The following SKP1 variants were observed in gnomAD, a reference collection of about 807,000 sequenced individuals.
The protein encoded by SKP1 is S-phase kinase-associated protein 1.
A neutral mutation model predicts 21.5 loss-of-function variants in SKP1; 1 was observed. The ratio of observed to expected loss-of-function variants is 0.05; its 90% CI spans 0.02 to 0.22. SKP1 has a LOEUF of 0.22. Among genes scored for constraint, SKP1 ranks in the 10% least tolerant of loss-of-function variants. SKP1 has a pLI of 1.00. For synonymous variants in SKP1, 59 were observed against 59.3 expected, an observed-to-expected ratio of 0.99 and a Z score of 0.03; for missense variants, 70 against 192.0, an observed-to-expected ratio of 0.36 and a Z score of 3.76.
rs1761132159 is a variant in SKP1 at position 134,157,043 on chromosome 5, G to C, written c.*690C>G. 1 of 152,574 alleles carries C rather than the reference G, an allele frequency of 6.6e-6. No individual in the cohort carries two copies. Among genetic ancestry groups the C allele is most frequent in the Non-Finnish European group, 1.5e-5 (1 of 68,034 alleles). 9.5% of individuals were successfully genotyped at this position (152,574 alleles called of 1,614,324 possible). A position where few individuals can be genotyped will look rare whatever the true frequency, so the allele number is the denominator to read the frequency against. On this transcript the variant is annotated 3_prime_UTR_variant, in exon 6 of 6. Transcript: ENST00000353411. ...TTATAAAAAGATGACATCCCACATG[G>C]GTTAAGTGTCTTTTTAATTGAAAAG...
chr5:134,170,195 A>G (rs1418100169), intron 2 of SKP1, among the ~76,000 whole-genome samples: 2 of 152,076 alleles, frequency 1.3e-5, no homozygotes, highest in Admixed American at 1.3e-4. Flanking sequence ...AAATAAAATA[A>G]AGGCTTTTAT....
At chr5:134,172,808 C>G (rs973120017) in intron 2 of SKP1, among the ~76,000 whole-genome samples, 7 of 151,744 alleles carry the variant, frequency 4.6e-5, no homozygotes, top group African/African-American at 7.3e-5. Flanking sequence ...GTCAGAAGAT[C>G]GAGACCAGCC....
intron 4 of SKP1, among the ~76,000 whole-genome samples, chr5:134,160,270 T>C (rs1157924716): frequency 1.3e-5 from 2 of 151,950 alleles, no homozygotes; most frequent in Non-Finnish European, 2.9e-5. Context: ...GGCAGGAGAA[T>C]TGCTTGAACC....
chr5:134,158,422 A>G (rs576452926), intron 5 of SKP1, 33 bp downstream of exon 5: 12 of 1,613,954 alleles, frequency 7.4e-6, no homozygotes, highest in Non-Finnish European at 9.3e-6. Flanking sequence ...TTTTAAGAGC[A>G]TGTGATCAAA....
intron 2 of SKP1, among the ~76,000 whole-genome samples, chr5:134,171,828 T>C (rs1310600026): frequency 6.6e-6 from 1 of 152,198 alleles, no homozygotes; most frequent in Non-Finnish European, 1.5e-5. Context: ...GCGGATCACC[T>C]GAGGTCAGGA....
chr5:134,160,484 T>C (rs1206143753), intron 4 of SKP1, among the ~76,000 whole-genome samples: 3 of 152,208 alleles, frequency 2.0e-5, no homozygotes, highest in African/African-American at 7.2e-5. Flanking sequence ...ATCTCTATGA[T>C]TGTCACTTTG....
chr5:134,159,074 CATCTTTTACTA>C (rs1366302220), intron 4 of SKP1, among the ~76,000 whole-genome samples: 1 of 152,136 alleles, frequency 6.6e-6, no homozygotes, highest in African/African-American at 2.4e-5. Flanking sequence ...TAGTTAATTT[CATCTTTTACTA>C]GTTTAAGGTG....
rs1435207097 is a variant in SKP1 at position 134,159,916 on chromosome 5, C to A, written c.315+1071G>T. Among the ~76,000 whole-genome samples the A allele has an allele frequency of 1.9e-4, 28 of 151,280 alleles. 2 individuals are homozygous for A. Among genetic ancestry groups the A allele is most frequent in the Admixed American group, 1.8e-3 (28 of 15,152 alleles). On this transcript the variant is annotated intron_variant, in intron 4 of 5. Transcript: ENST00000353411. ...CAGGCTGGTCTTGAACTCCTAGCCT[C>A]AAGTGATCCACCCGCCTCACCCTCC...
intron 4 of SKP1, among the ~76,000 whole-genome samples, chr5:134,159,386 A>G (rs1761176838): frequency 2.0e-5 from 3 of 150,284 alleles, no homozygotes; most frequent in African/African-American, 7.3e-5. Context: ...TTTACAATGG[A>G]GACTTTTTTT....
In SKP1 at chr5:134,149,223, A is replaced by T. The variant is rs1005999778; in HGVS notation, c.*8510T>A. The T allele has an allele frequency of 1.3e-5, 2 of 152,202 alleles. No individual in the cohort carries two copies. Among genetic ancestry groups the T allele is most frequent in the African/African-American group, 4.8e-5 (2 of 41,442 alleles). The allele number at this position is 152,202 out of a possible 1,614,324, so 9.4% of individuals were successfully genotyped here. A position where few individuals can be genotyped will look rare whatever the true frequency, so the allele number is the denominator to read the frequency against. On this transcript the variant is annotated 3_prime_UTR_variant, in exon 6 of 6. Transcript: ENST00000353411. ...CTCAACAGGTAGGATTTCATACCTC[A>T]TCCCCCTTTCATCTCCCACCTTTTG...
chr5:134,169,513 G>A (rs1761398546), intron 2 of SKP1, among the ~76,000 whole-genome samples: 1 of 152,226 alleles, frequency 6.6e-6, no homozygotes, highest in Non-Finnish European at 1.5e-5. Context: ...GAAACATACA[G>A]AAGACCAGCT....
In SKP1 at chr5:134,159,972, C is replaced by T. The variant is rs548564508; in HGVS notation, c.315+1015G>A. Among the ~76,000 whole-genome samples, 7 of 152,092 alleles carry T rather than the reference C, an allele frequency of 4.6e-5. No individual in the cohort carries two copies. The East Asian group carries it at 5.8e-4, about 13-fold the overall frequency. On this transcript the variant is annotated intron_variant, in intron 4 of 5. Coordinates refer to ENST00000353411, the MANE Select transcript of SKP1 (RefSeq NM_170679.3). ...TGTTGGGATCACAGGCGTGAGCCAC[C>T]GCACCCAGCTGAGACTTGTTTTATG...
Position 134,161,011 on chromosome 5 carries a change from T to C in SKP1, c.291A>G (p.Gln97=), listed in dbSNP as rs369406732. Residue 97 remains glutamine (Q), a synonymous_variant, in exon 4 of 6, where the codon CAA becomes CAG. Transcript: ENST00000353411. ...VWDQEFLKVD[Q]GTLFELILAA... ...CCAGAATGAGTTCAAAAAGTGTTCC[T>C]TGGTCAACTTTCAGGAATTCTTGGT... 1.3e-5 allele frequency: 21 copies of C among 1,612,170 alleles called. No individual in the cohort carries two copies. The highest frequency in any genetic ancestry group is 4.0e-5 in the African/African-American group (3 of 74,900).
intron 2 of SKP1, 124 bp from the exon 3 acceptor site, chr5:134,167,367 C>A: frequency 1.5e-6 from 1 of 660,166 alleles, no homozygotes; most frequent in South Asian, 1.8e-5. Context: ...GTGGATTCAA[C>A]CAACCACAGA....
intron 4 of SKP1, among the ~76,000 whole-genome samples, chr5:134,158,826 T>G (rs1309306699): frequency 6.6e-6 from 1 of 152,198 alleles, no homozygotes; most frequent in Non-Finnish European, 1.5e-5. Context: ...CTATACTAGC[T>G]CAAATGTGAA....
chr5:134,151,105 T>C lies in SKP1; in HGVS notation c.*6628A>G, dbSNP rs898748422. ...GGATGTTTCACTTCTGAAGACAAGA[T>C]AGCAGCTGTGAATTATGCGGGAGAT... On this transcript the variant is annotated 3_prime_UTR_variant, in exon 6 of 6. Transcript: ENST00000353411. The C allele has an allele frequency of 6.6e-6, 1 of 152,322 alleles. No homozygotes were observed. Among genetic ancestry groups the C allele is most frequent in the African/African-American group, 2.4e-5 (1 of 41,466 alleles). 9.4% of individuals were successfully genotyped at this position (152,322 alleles called of 1,614,324 possible). A position where few individuals can be genotyped will look rare whatever the true frequency, so the allele number is the denominator to read the frequency against.
At chr5:134,172,083 T>C (rs1761453251) in intron 2 of SKP1, among the ~76,000 whole-genome samples, 1 of 152,202 alleles carries the variant, frequency 6.6e-6, no homozygotes, top group Admixed American at 6.5e-5. Context: ...CTCACCAGTA[T>C]TACATACTGC....
In SKP1 at chr5:134,152,279, A is replaced by C. The variant is rs932449514; in HGVS notation, c.*5454T>G. The C allele has an allele frequency of 2.6e-5, 4 of 152,296 alleles. No homozygotes were observed. The highest frequency in any genetic ancestry group is 4.4e-5 in the Non-Finnish European group (3 of 68,094). 9.4% of individuals were successfully genotyped at this position (152,296 alleles called of 1,614,324 possible). A position where few individuals can be genotyped will look rare whatever the true frequency, so the allele number is the denominator to read the frequency against. ...GGTCTGATGAATAAATGCTGATAAA[A>C]TACTACTGAGTGTCAGCAAAGTACT... On this transcript the variant is annotated 3_prime_UTR_variant, in exon 6 of 6. Coordinates refer to ENST00000353411, the MANE Select transcript of SKP1 (RefSeq NM_170679.3).
chr5:134,160,870 G>C, intron 4 of SKP1, 117 bp downstream of exon 4: 2 of 676,412 alleles, frequency 3.0e-6, no homozygotes, highest in Non-Finnish European at 5.0e-6. Context: ...TAAATATGGC[G>C]TTACATTTGA....
Sources: gnomAD v4.1 joint callset for allele counts (sites outside exome capture counted in the v4.1 genomes callset) on GRCh38, gnomAD v4.1.1 for gene constraint, MANE v1.5 for transcripts, NCBI Gene and HGNC (gene_info 2026-07-23, HGNC 2026-07-21) for gene names.